SPTBN4: variants seen among roughly 807,000 people sequenced by gnomAD.
SPTBN4 encodes the protein spectrin beta, non-erythrocytic 4, also known as spectrin beta chain, non-erythrocytic 4.
Under a neutral mutation model 277.8 loss-of-function variants are expected in SPTBN4, and 96 were observed. The ratio of observed to expected loss-of-function variants is 0.35; its 90% CI spans 0.29 to 0.41. SPTBN4 has a LOEUF of 0.41. Ranked by LOEUF, SPTBN4 falls within the 10% of genes least tolerant of loss-of-function variation. SPTBN4 has a pLI of 1.00. For missense variants in SPTBN4, 3,006 were observed against 3,595.7 expected (o/e 0.84, Z 4.19); for synonymous variants, 1,481 against 1,580.3 (o/e 0.94, Z 1.49).
At chr19:40,538,947 G>C (rs1344525546) in intron 20 of SPTBN4, among the ~76,000 whole-genome samples, 2 of 152,048 alleles carry the variant, frequency 1.3e-5, no homozygotes. Flanking sequence ...GCACTGAAAA[G>C]TATAAGCCAT....
chr19:40,568,553 G>A (rs1407017297), intron 31 of SPTBN4, among the ~76,000 whole-genome samples: 1 of 152,232 alleles, frequency 6.6e-6, no homozygotes, highest in African/African-American at 2.4e-5. Context: ...TGTGACTCCT[G>A]CATCAAGTCT....
intron 2 of SPTBN4, among the ~76,000 whole-genome samples, chr19:40,484,506 G>A (rs1382760274): frequency 6.6e-6 from 1 of 152,226 alleles, no homozygotes; most frequent in Non-Finnish European, 1.5e-5. Flanking sequence ...ACTTAGCTCA[G>A]AGAGGTCAGT....
chr19:40,468,585 G>C (rs2145791855), intron 1 of SPTBN4, among the ~76,000 whole-genome samples: 1 of 152,146 alleles, frequency 6.6e-6, no homozygotes, highest in African/African-American at 2.4e-5. Flanking sequence ...TTGCCATGTT[G>C]GCCAGGCCGG....
intron 2 of SPTBN4, among the ~76,000 whole-genome samples, chr19:40,484,324 T>C (rs1326542353): frequency 1.3e-5 from 2 of 152,220 alleles, no homozygotes; most frequent in Non-Finnish European, 2.9e-5. Context: ...TCTTTATTCC[T>C]GAATTAATGG....
intron 11 of SPTBN4, 103 bp downstream of exon 11, chr19:40,503,036 G>C (rs1366000797): frequency 7.1e-7 from 1 of 1,406,968 alleles, no homozygotes; most frequent in Non-Finnish European, 9.6e-7. Context: ...ACAGGGAAGA[G>C]TTAGATTAGT....
chr19:40,556,147 T>C lies in SPTBN4; in HGVS notation c.5148T>C (p.Gly1716=), dbSNP rs774193726. Residue 1716 remains glycine, a synonymous_variant, in exon 25 of 36, where the codon GGT becomes GGC. Transcript: ENST00000598249. ...TGTACGTGGCGCTCAAGGAGCTGGGTGAGGAGCGCCGGGTGGCTCTGGAAC... is the reference window on the plus strand; with the variant it reads ...TGTACGTGGCGCTCAAGGAGCTGGGCGAGGAGCGCCGGGTGGCTCTGGAAC... ...DRLYVALKEL[G]EERRVALEQQ... 1.9e-6 allele frequency: 3 copies of C among 1,613,004 alleles called. No homozygotes were observed. The highest frequency in any genetic ancestry group is 2.5e-6 in the Non-Finnish European group (3 of 1,179,962).
rs576176431 is a variant in SPTBN4 at position 40,498,945 on chromosome 19, G to A, written c.784+1341G>A. ...TCAAACTCCTGACCTCAGGTGATCT[G>A]CCCACTTTAGCCTCCTAAAGTGCTG... On this transcript the variant is annotated intron_variant, in intron 7 of 35. Coordinates refer to ENST00000598249, the MANE Select transcript of SPTBN4 (RefSeq NM_020971.3). Among the ~76,000 whole-genome samples, 78 of 151,984 alleles carry A rather than the reference G, an allele frequency of 5.1e-4. 2 individuals carry two copies. Among genetic ancestry groups the A allele is most frequent in the Admixed American group, 5.0e-3 (76 of 15,260 alleles).
In SPTBN4 at chr19:40,568,293, C is replaced by A; in HGVS notation, c.6956+11C>A. On this transcript the variant is annotated intron_variant, in intron 31 of 35. Coordinates refer to ENST00000598249, the MANE Select transcript of SPTBN4 (RefSeq NM_020971.3). The stretch of plus-strand genomic sequence containing the variant: ...AGACCTGGTCAAGGGGTGAGGTGCC[C>A]GCCTTATGACCAGAAAGTGAGGGGA... 3 of 1,591,390 alleles carry A rather than the reference C, an allele frequency of 1.9e-6. No homozygotes were observed. The highest frequency in any genetic ancestry group is 2.3e-5 in the East Asian group (1 of 43,810).
At chr19:40,468,904 G>C (rs2079854451) in intron 1 of SPTBN4, among the ~76,000 whole-genome samples, 1 of 152,154 alleles carries the variant, frequency 6.6e-6, no homozygotes, top group Non-Finnish European at 1.5e-5. Flanking sequence ...TTTGAGACCA[G>C]CCTGAGCAAC....
intron 18 of SPTBN4, among the ~76,000 whole-genome samples, chr19:40,531,646 G>C: frequency 6.6e-6 from 1 of 151,430 alleles, no homozygotes; most frequent in Non-Finnish European, 1.5e-5. Context: ...GGTTGGGGGA[G>C]GCTCAAAAAG....
chr19:40,536,781 CTATTT>C (rs2080742132), intron 20 of SPTBN4, among the ~76,000 whole-genome samples: 1 of 152,058 alleles, frequency 6.6e-6, no homozygotes, highest in Non-Finnish European at 1.5e-5. Context: ...CAGCCTGTCT[CTATTT>C]TATTTTATTT....
At chr19:40,489,216 C>CAA (rs541919529) in intron 3 of SPTBN4, among the ~76,000 whole-genome samples, 19 of 54,774 alleles carry the variant, frequency 3.5e-4, no homozygotes, top group African/African-American at 1.3e-3. Flanking sequence ...CAACAAAAGC[C>CAA]AAAAAAAAAA....
rs368530723 is a variant in SPTBN4 at position 40,493,006 on chromosome 19, G to A, written c.539G>A (p.Arg180His). ...GAGACTGAGGACAACAGAGAGACACGCTCAGCCAAGGATGCTCTGCTCTTG... is the reference window on the plus strand; with the variant it reads ...GAGACTGAGGACAACAGAGAGACACACTCAGCCAAGGATGCTCTGCTCTTG... Reference protein sequence around the residue: ...KIETEDNRETRSAKDALLLWC... With the variant: ...KIETEDNRETHSAKDALLLWC... The change falls in exon 5 of 36, where the codon CGC (arginine) becomes CAC (histidine). Residue 180 changes from arginine to histidine, a missense_variant. This residue lies in a region of SPTBN4 where 114 missense variants were observed against 196.1 expected (regional missense o/e 0.58). Transcript: ENST00000598249. The A allele has an allele frequency of 3.1e-6, 5 of 1,613,918 alleles. No individual in the cohort carries two copies. The African/African-American group carries it at 4.0e-5, about 13-fold the overall frequency.
chr19:40,532,308 C>T (rs2080684756), intron 18 of SPTBN4, among the ~76,000 whole-genome samples: 1 of 151,000 alleles, frequency 6.6e-6, no homozygotes, highest in East Asian at 1.9e-4. Flanking sequence ...GATCTGTCCC[C>T]AAGTCTAAGA....
At chr19:40,495,002 A>T (rs2080180026) in intron 6 of SPTBN4, 25 bp downstream of exon 6, 1 of 1,611,560 alleles carries the variant, frequency 6.2e-7, no homozygotes, top group Admixed American at 1.7e-5. Context: ...GGGACAGCCC[A>T]GTCCTGCCCT....
intron 12 of SPTBN4, among the ~76,000 whole-genome samples, chr19:40,505,402 A>AAAG (rs1568786001): frequency 6.9e-6 from 1 of 145,544 alleles, no homozygotes; most frequent in Admixed American, 6.9e-5. Flanking sequence ...AAAAAAAAAA[A>AAAG]AAGAAGAAGC....
In SPTBN4 at chr19:40,554,062, C is replaced by T; in HGVS notation, c.4675-85C>T. ...GGTGCTTGTTAATTGCCCCGTGGGC[C>T]GTGCCAGTAGCAGAGGAGCGTGTGG... On this transcript the variant is annotated intron_variant, in intron 22 of 35. Coordinates refer to ENST00000598249, the MANE Select transcript of SPTBN4 (RefSeq NM_020971.3). This position sits in a 1 kb window ranked among gnomAD's most constrained non-coding sequence, Gnocchi z 5.7. The T allele has an allele frequency of 1.5e-6, 2 of 1,307,518 alleles. No individual in the cohort carries two copies. The highest frequency in any genetic ancestry group is 2.0e-6 in the Non-Finnish European group (2 of 1,011,664). The allele number at this position is 1,307,518 out of a possible 1,614,324, so 81.0% of individuals were successfully genotyped here.
chr19:40,502,597 C>A lies in SPTBN4; in HGVS notation c.1203+90C>A. 2 of 1,431,448 alleles carry A rather than the reference C, an allele frequency of 1.4e-6. No homozygotes were observed. Among genetic ancestry groups the A allele is most frequent in the Non-Finnish European group, 1.9e-6 (2 of 1,053,564 alleles). The allele number at this position is 1,431,448 out of a possible 1,614,324, so 88.7% of individuals were successfully genotyped here. On this transcript the variant is annotated intron_variant, in intron 10 of 35. Coordinates refer to ENST00000598249, the MANE Select transcript of SPTBN4 (RefSeq NM_020971.3). This position sits in a 1 kb window ranked among gnomAD's most constrained non-coding sequence, Gnocchi z 4.9. Reference sequence around the variant, plus strand: ...TCAAGGGAATCATTCACATTGTAGACATGATGGATTAGATATTCATTCTGA... The same window carrying A: ...TCAAGGGAATCATTCACATTGTAGAAATGATGGATTAGATATTCATTCTGA...
chr19:40,541,634 G>A (rs1261378565), intron 20 of SPTBN4, among the ~76,000 whole-genome samples: 2 of 152,106 alleles, frequency 1.3e-5, no homozygotes, highest in African/African-American at 4.8e-5. Context: ...GGTGTGCAGT[G>A]TGTGAGCGAT....
Sources: allele counts gnomAD v4.1 joint callset (sites outside exome capture counted in the v4.1 genomes callset), GRCh38; gene constraint gnomAD v4.1.1; regional missense constraint gnomAD v4.1.1; non-coding constraint Gnocchi (gnomAD v3.1); transcripts MANE v1.5; gene names NCBI Gene and HGNC (gene_info 2026-07-23, HGNC 2026-07-21).